RAB28: variants seen among roughly 807,000 people sequenced by gnomAD.
RAB28 encodes ras-related protein Rab-28.
Under a neutral mutation model 31.7 loss-of-function variants are expected in RAB28, and 24 were observed. The observed-to-expected ratio is 0.76, with a 90% CI of 0.55 to 1.06. The LOEUF (loss-of-function observed/expected upper bound fraction) is 1.06. RAB28 is among the 50% of genes least tolerant of loss of function. The pLI is 0.00. For missense variants in RAB28, 254 were observed against 258.5 expected, an observed-to-expected ratio of 0.98 and a Z score of 0.12; for synonymous variants, 100 against 90.4, an observed-to-expected ratio of 1.11 and a Z score of -0.60.
chr4:13,463,338 TG>T (rs1256264415), intron 3 of RAB28, among the ~76,000 whole-genome samples: 1 of 152,174 alleles, frequency 6.6e-6, no homozygotes, highest in Non-Finnish European at 1.5e-5. Context: ...ATGAGAGATA[TG>T]GAACAAACAT....
intron 4 of RAB28, among the ~76,000 whole-genome samples, chr4:13,450,607 C>T (rs774153000): frequency 8.6e-5 from 13 of 151,900 alleles, no homozygotes; most frequent in Non-Finnish European, 1.6e-4. Context: ...CCTTAGCTTT[C>T]AGAGTTTAGA....
At chr4:13,392,658 G>A (rs1177007121) in intron 4 of RAB28, among the ~76,000 whole-genome samples, 1 of 152,080 alleles carries the variant, frequency 6.6e-6, no homozygotes, top group Non-Finnish European at 1.5e-5. Flanking sequence ...TGTATTCTTG[G>A]AAGTTGCTAA....
At chr4:13,481,970 T>A (rs1423973865) in intron 1 of RAB28, among the ~76,000 whole-genome samples, 1 of 151,984 alleles carries the variant, frequency 6.6e-6, no homozygotes, top group East Asian at 1.9e-4. Context: ...CTGAATAGGG[T>A]ATGGAGAAAA....
At chr4:13,369,635 A>T (rs1453774169) in intron 6 of RAB28, among the ~76,000 whole-genome samples, 3 of 152,116 alleles carry the variant, frequency 2.0e-5, no homozygotes, top group Non-Finnish European at 4.4e-5. Context: ...CATAAAGACA[A>T]ATATGTTTAA....
chr4:13,417,321 G>A (rs1196485540), intron 4 of RAB28, among the ~76,000 whole-genome samples: 1 of 152,216 alleles, frequency 6.6e-6, no homozygotes, highest in Non-Finnish European at 1.5e-5. Flanking sequence ...GGGCATAGCT[G>A]AACAGAAGGC....
intron 1 of RAB28, among the ~76,000 whole-genome samples, chr4:13,483,758 G>C (rs938717223): frequency 6.6e-6 from 1 of 152,224 alleles, no homozygotes; most frequent in Admixed American, 6.5e-5. Flanking sequence ...CTACAAGTAA[G>C]AGGAGCTAAG....
At chr4:13,394,062 C>T (rs1208423558) in intron 4 of RAB28, among the ~76,000 whole-genome samples, 2 of 151,996 alleles carry the variant, frequency 1.3e-5, no homozygotes, top group Non-Finnish European at 2.9e-5. Flanking sequence ...ATAAATGAGT[C>T]AATTACTACA....
At chr4:13,382,152 A>T (rs1729159532) in intron 4 of RAB28, among the ~76,000 whole-genome samples, 1 of 152,210 alleles carries the variant, frequency 6.6e-6, no homozygotes, top group South Asian at 2.1e-4. Flanking sequence ...GACATAGTTC[A>T]GTTGTTTTCC....
chr4:13,395,588 C>T (rs1013209550), intron 4 of RAB28, among the ~76,000 whole-genome samples: 2 of 152,168 alleles, frequency 1.3e-5, no homozygotes, highest in East Asian at 3.9e-4. Context: ...ATTCCTTACT[C>T]AGGATCTCCA....
intron 4 of RAB28, among the ~76,000 whole-genome samples, chr4:13,456,190 C>G (rs1715291107): frequency 6.6e-6 from 1 of 152,128 alleles, no homozygotes; most frequent in South Asian, 2.1e-4. Flanking sequence ...CTACCCAACA[C>G]ATAATATAAG....
At chr4:13,373,293 C>G (rs959717225) in intron 6 of RAB28, among the ~76,000 whole-genome samples, 2 of 152,060 alleles carry the variant, frequency 1.3e-5, no homozygotes, top group African/African-American at 4.8e-5. Flanking sequence ...TCTGAACAAT[C>G]TGGGAAACTA....
intron 4 of RAB28, among the ~76,000 whole-genome samples, chr4:13,418,054 T>C (rs1712902679): frequency 6.6e-6 from 1 of 152,146 alleles, no homozygotes; most frequent in Non-Finnish European, 1.5e-5. Flanking sequence ...TGAGAAGACC[T>C]TAAATGACCT....
chr4:13,399,464 G>C (rs900555458), intron 4 of RAB28, among the ~76,000 whole-genome samples: 2 of 152,174 alleles, frequency 1.3e-5, no homozygotes, highest in African/African-American at 4.8e-5. Flanking sequence ...ACATAGCAGA[G>C]AACTGCTGAA....
chr4:13,441,887 CA>C, intron 4 of RAB28, among the ~76,000 whole-genome samples: 1 of 152,302 alleles, frequency 6.6e-6, no homozygotes, highest in South Asian at 2.1e-4. Context: ...TGCCCCCAAT[CA>C]AAAGAGCAGT....
rs562268239 is a variant in RAB28 at position 13,479,357 on chromosome 4, C to T, written c.172+73G>A. On this transcript the variant is annotated intron_variant, in intron 2 of 6. Transcript: ENST00000330852. ...GTAGAAGCAGCCCCAAAATTTTACA[C>T]ATTTCTTTCTTATGCCACTTATTGT... 8.9e-6 allele frequency: 10 copies of T among 1,126,398 alleles called. No individual in the cohort carries two copies. In the African/African-American group the frequency reaches 1.4e-4, roughly 16 times the overall value. 69.8% of individuals were successfully genotyped at this position (1,126,398 alleles called of 1,614,324 possible).
At chr4:13,479,361 T>G (rs895547295) in intron 2 of RAB28, 69 bp downstream of exon 2, 4 of 1,186,702 alleles carry the variant, frequency 3.4e-6, no homozygotes, top group Non-Finnish European at 4.9e-6. Flanking sequence ...TTTACACATT[T>G]CTTTCTTATG....
chr4:13,378,960 C>A (rs1025803944), intron 5 of RAB28, among the ~76,000 whole-genome samples: 1 of 152,156 alleles, frequency 6.6e-6, no homozygotes, highest in South Asian at 2.1e-4. Context: ...CCTGTAACCC[C>A]AACACTTTGG....
intron 6 of RAB28, chr4:13,371,015 A>G: frequency 5.1e-6 from 5 of 984,422 alleles, no homozygotes; most frequent in Non-Finnish European, 6.0e-6. Context: ...TTATTTCAGG[A>G]CACATACCCT....
chr4:13,407,873 G>A (rs1282560708), intron 4 of RAB28, among the ~76,000 whole-genome samples: 2 of 152,190 alleles, frequency 1.3e-5, no homozygotes, highest in Non-Finnish European at 2.9e-5. Context: ...TTTGTGTCCT[G>A]AGACTTTGCT....
Sources: gnomAD v4.1 joint callset for allele counts (sites outside exome capture counted in the v4.1 genomes callset) on GRCh38, gnomAD v4.1.1 for gene constraint, MANE v1.5 for transcripts, NCBI Gene and HGNC (gene_info 2026-07-23, HGNC 2026-07-21) for gene names.